LRP1B: variants seen among roughly 807,000 people sequenced by gnomAD.
LRP1B encodes LDL receptor related protein 1B.
LRP1B carries 217 observed loss-of-function variants against 556.6 expected under a neutral mutation model. That is an observed-to-expected ratio of 0.39 (90% CI 0.35 to 0.44). The LOEUF (loss-of-function observed/expected upper bound fraction) is 0.44, where lower values mean the gene tolerates loss of function less well. Ranked by LOEUF, LRP1B falls within the 20% of genes least tolerant of loss-of-function variation. The pLI, the probability that LRP1B is intolerant of heterozygous loss-of-function variation, is 1.00. For synonymous variants in LRP1B, 2,047 were observed against 1,865.8 expected (o/e 1.10, Z -2.50); for missense variants, 5,053 against 5,620.8 (o/e 0.90, Z 3.23).
intron 67 of LRP1B, among the ~76,000 whole-genome samples, chr2:140,382,045 C>T (rs988838825): frequency 7.9e-5 from 12 of 152,090 alleles, no homozygotes; most frequent in African/African-American, 2.9e-4. Context: ...AAGTGGCTTT[C>T]AAAACCATAG....
intron 1 of LRP1B, among the ~76,000 whole-genome samples, chr2:142,022,290 C>T (rs16847934): frequency 7.4e-6 from 1 of 135,392 alleles, no homozygotes; most frequent in Non-Finnish European, 1.6e-5. Flanking sequence ...TAAAAAAAAA[C>T]AACAGTGAAA....
At chr2:141,473,063 G>T (rs1168121491) in intron 3 of LRP1B, among the ~76,000 whole-genome samples, 9 of 152,136 alleles carry the variant, frequency 5.9e-5, no homozygotes, top group African/African-American at 1.9e-4. Flanking sequence ...TGCCCCTTCT[G>T]TCAACATATT....
chr2:141,648,976 A>C (rs1418313093), intron 2 of LRP1B, among the ~76,000 whole-genome samples: 1 of 152,224 alleles, frequency 6.6e-6, no homozygotes, highest in Non-Finnish European at 1.5e-5. Flanking sequence ...TTGACAAAGG[A>C]AATCTGACCA....
chr2:141,978,797 G>T (rs1018787587), intron 1 of LRP1B, among the ~76,000 whole-genome samples: 1 of 151,828 alleles, frequency 6.6e-6, no homozygotes, highest in Non-Finnish European at 1.5e-5. Context: ...CATTACTATA[G>T]GTTTGTTTTT....
At chr2:141,838,594 T>C (rs929250762) in intron 1 of LRP1B, among the ~76,000 whole-genome samples, 2 of 152,192 alleles carry the variant, frequency 1.3e-5, no homozygotes, top group African/African-American at 4.8e-5. Context: ...GATCCTTGTA[T>C]AGAGGACATT....
At chr2:141,064,834 T>A (rs1410321584) in intron 7 of LRP1B, among the ~76,000 whole-genome samples, 1 of 151,936 alleles carries the variant, frequency 6.6e-6, no homozygotes, top group East Asian at 1.9e-4. Context: ...TTTAAATATT[T>A]AAAATTCAAC....
intron 7 of LRP1B, among the ~76,000 whole-genome samples, chr2:141,101,177 G>T (rs1700451437): frequency 6.6e-6 from 1 of 152,098 alleles, no homozygotes; most frequent in East Asian, 1.9e-4. Context: ...GACATTGTCG[G>T]AGACAACTAC....
intron 6 of LRP1B, among the ~76,000 whole-genome samples, chr2:141,189,451 T>G (rs557579996): frequency 6.6e-5 from 10 of 152,172 alleles, no homozygotes; most frequent in African/African-American, 2.4e-4. Flanking sequence ...TTATGTTACT[T>G]TAATGTAAAT....
At chr2:140,378,596 T>C (rs1683338881) in intron 67 of LRP1B, among the ~76,000 whole-genome samples, 1 of 152,180 alleles carries the variant, frequency 6.6e-6, no homozygotes, top group African/African-American at 2.4e-5. Context: ...ACTGTAACAA[T>C]GATCTTTTTT....
intron 49 of LRP1B, among the ~76,000 whole-genome samples, chr2:140,520,545 G>T (rs1239093643): frequency 6.6e-6 from 1 of 151,900 alleles, no homozygotes; most frequent in Non-Finnish European, 1.5e-5. Context: ...CATGGCACAT[G>T]TACACATATG....
intron 1 of LRP1B, among the ~76,000 whole-genome samples, chr2:141,933,996 A>G (rs533551425): frequency 1.2e-4 from 19 of 152,282 alleles, no homozygotes; most frequent in African/African-American, 4.3e-4. Flanking sequence ...CAGATGGTAA[A>G]ATTATTTAGC....
At chr2:140,943,026 G>A (rs1695445598) in intron 20 of LRP1B, among the ~76,000 whole-genome samples, 2 of 152,018 alleles carry the variant, frequency 1.3e-5, no homozygotes, top group Admixed American at 6.6e-5. Flanking sequence ...ACTTTCTGTT[G>A]CTTTCAACAG....
intron 1 of LRP1B, among the ~76,000 whole-genome samples, chr2:141,996,614 A>T (rs1702497697): frequency 6.6e-6 from 1 of 152,196 alleles, no homozygotes; most frequent in African/African-American, 2.4e-5. Context: ...AGAAACAAGG[A>T]AGAACTATGA....
intron 2 of LRP1B, among the ~76,000 whole-genome samples, chr2:141,747,014 T>C (rs1693941363): frequency 6.6e-6 from 1 of 152,198 alleles, no homozygotes; most frequent in Non-Finnish European, 1.5e-5. Context: ...AAGCCAAAGA[T>C]TTGTAAAAGT....
intron 3 of LRP1B, among the ~76,000 whole-genome samples, chr2:141,466,374 T>G (rs1682201569): frequency 6.6e-6 from 1 of 152,224 alleles, no homozygotes. Context: ...AGTAACTAAC[T>G]GCTCTATTAA....
rs923993258 is a variant in LRP1B, at chr2:140,952,539, GA to G, written c.2888-600del. Among the ~76,000 whole-genome samples, 444 of 146,742 alleles carry G rather than the reference GA, an allele frequency of 3.0e-3. 1 individual carries two copies. Among genetic ancestry groups the G allele is most frequent in the African/African-American group, 0.011 (422 of 39,964 alleles). On this transcript the variant is annotated intron_variant, in intron 18 of 90. Coordinates refer to ENST00000389484, the MANE Select transcript of LRP1B (RefSeq NM_018557.3). ...ACAACAACAAAAAAAACAAAAAACCGAAAAAAAAATAGCAAAGAATTAGATT... is the reference window on the plus strand; with the variant it reads ...ACAACAACAAAAAAAACAAAAAACCGAAAAAAAATAGCAAAGAATTAGATT...
intron 1 of LRP1B, among the ~76,000 whole-genome samples, chr2:141,889,072 T>A (rs1324913087): frequency 1.3e-5 from 2 of 152,200 alleles, no homozygotes; most frequent in African/African-American, 2.4e-5. Context: ...GAGATTATGC[T>A]GGAAATAATG....
chr2:140,918,687 T>C (rs982572888), intron 21 of LRP1B, among the ~76,000 whole-genome samples: 4 of 152,036 alleles, frequency 2.6e-5, no homozygotes, highest in African/African-American at 9.7e-5. Context: ...CCAGACCAAA[T>C]TCATGTTGAA....
At chr2:141,573,826 CA>C (rs1298704934) in intron 2 of LRP1B, among the ~76,000 whole-genome samples, 1 of 151,934 alleles carries the variant, frequency 6.6e-6, no homozygotes, top group East Asian at 1.9e-4. Flanking sequence ...CACCTCTATG[CA>C]AAAAAATTAG....
Sources: gnomAD v4.1 joint callset for allele counts (sites outside exome capture counted in the v4.1 genomes callset) on GRCh38, gnomAD v4.1.1 for gene constraint, MANE v1.5 for transcripts, NCBI Gene and HGNC (gene_info 2026-07-23, HGNC 2026-07-21) for gene names.